Variants in SPIDR observed in about 807,000 individuals in gnomAD.
The protein encoded by SPIDR is scaffold protein involved in DNA repair, also known as DNA repair-scaffolding protein.
SPIDR carries 93 observed loss-of-function variants against 104.6 expected under a neutral mutation model. That is an observed-to-expected ratio of 0.89 (90% CI 0.75 to 1.06). The LOEUF (loss-of-function observed/expected upper bound fraction) is 1.06, where lower values mean the gene tolerates loss of function less well. Among genes scored for constraint, SPIDR ranks in the 50% least tolerant of loss-of-function variants. The pLI, the probability that SPIDR is intolerant of heterozygous loss-of-function variation, is 0.00. For synonymous variants in SPIDR, 431 were observed against 416.9 expected, an observed-to-expected ratio of 1.03 and a Z score of -0.41; for missense variants, 1,154 against 1,111.2, an observed-to-expected ratio of 1.04 and a Z score of -0.55.
At chr8:47,547,159 C>T (rs1036450141) in intron 8 of SPIDR, 11 of 607,868 alleles carry the variant, frequency 1.8e-5, no homozygotes, top group Admixed American at 6.1e-5. Context: ...GCAGATGATG[C>T]GAGCATCATG....
chr8:47,312,146 TC>T (rs1554585737), intron 5 of SPIDR, among the ~76,000 whole-genome samples: 2 of 152,206 alleles, frequency 1.3e-5, no homozygotes, highest in African/African-American at 4.8e-5. Flanking sequence ...TGGTTCCAAG[TC>T]TTTGCTATTG....
intron 8 of SPIDR, among the ~76,000 whole-genome samples, chr8:47,483,697 T>A (rs938143184): frequency 7.2e-5 from 11 of 152,196 alleles, no homozygotes; most frequent in Non-Finnish European, 1.5e-4. Flanking sequence ...AGGGAGAAGA[T>A]CCCTTTATAT....
rs71225684 is a variant in SPIDR at position 47,458,323 on chromosome 8, G to GTATTTTATTTTATTT, written c.1097+17836_1097+17850dup. 6.9e-3 allele frequency among the ~76,000 whole-genome samples: 773 copies of GTATTTTATTTTATTT among 112,258 alleles called. 11 individuals are homozygous for GTATTTTATTTTATTT. The highest frequency in any genetic ancestry group is 0.015 in the East Asian group (57 of 3,918). 73.6% of individuals were successfully genotyped at this position (112,258 alleles called of 152,430 possible). On this transcript the variant is annotated intron_variant, in intron 8 of 19. Transcript: ENST00000297423. The stretch of plus-strand genomic sequence containing the variant: ...CCTCTTTGGTTAAGCATATTCCTAA[G>GTATTTTATTTTATTT]TATTTTATTTTATTTTATTTTATTT...
intron 8 of SPIDR, among the ~76,000 whole-genome samples, chr8:47,449,898 A>G (rs1248971389): frequency 6.6e-6 from 1 of 152,184 alleles, no homozygotes; most frequent in Non-Finnish European, 1.5e-5. Context: ...AGCCCAGTGC[A>G]GTGAATTATG....
rs2154245950 is a variant in SPIDR, at chr8:47,299,560, C to T, written c.525+5530C>T. Among the ~76,000 whole-genome samples, 5 of 152,240 alleles carry T rather than the reference C, an allele frequency of 3.3e-5. No homozygotes were observed. The East Asian group carries it at 9.6e-4, about 29-fold the overall frequency. On this transcript the variant is annotated intron_variant, in intron 5 of 19. Coordinates refer to ENST00000297423, the MANE Select transcript of SPIDR (RefSeq NM_001080394.4). ...CAAAGGGAATGCTTCCAGTTTTTGC[C>T]CATTCAGTATGATATTGGCTGTGGG...
At position 47,703,659 on chromosome 8, in the gene SPIDR, C is replaced by A. The variant is rs114373827; in HGVS notation, c.1977+1644C>A. ...TAATTTTTACTTGTCACAAAATATT[C>A]TTACGGTTTTTTAACCATTTAAAAA... On this transcript the variant is annotated intron_variant, in intron 14 of 19. Transcript: ENST00000297423. 9.9e-3 allele frequency among the ~76,000 whole-genome samples: 1,509 copies of A among 152,286 alleles called. 25 individuals are homozygous for A. The highest frequency in any genetic ancestry group is 0.034 in the African/African-American group (1,394 of 41,550).
intron 5 of SPIDR, among the ~76,000 whole-genome samples, chr8:47,337,967 T>C (rs2050078107): frequency 1.3e-5 from 2 of 152,224 alleles, no homozygotes; most frequent in Admixed American, 6.5e-5. Context: ...AGTTTCACCT[T>C]ACCTTAATTA....
At chr8:47,595,738 T>G in intron 8 of SPIDR, 73 bp from the exon 9 acceptor site, 1 of 1,442,462 alleles carries the variant, frequency 6.9e-7, no homozygotes. Flanking sequence ...GCTCTTTGCA[T>G]TCCTGATTTA....
chr8:47,670,077 A>G (rs2075593575), intron 10 of SPIDR, among the ~76,000 whole-genome samples: 1 of 152,262 alleles, frequency 6.6e-6, no homozygotes, highest in East Asian at 1.9e-4. Context: ...CCAGGCCTTA[A>G]TGTAATCACA....
intron 8 of SPIDR, among the ~76,000 whole-genome samples, chr8:47,487,407 G>A (rs1554732347): frequency 1.3e-5 from 2 of 152,074 alleles, no homozygotes; most frequent in East Asian, 1.9e-4. Context: ...ATAATAATGG[G>A]AGACTTTAAC....
At chr8:47,304,249 G>C (rs2042746523) in intron 5 of SPIDR, among the ~76,000 whole-genome samples, 1 of 152,172 alleles carries the variant, frequency 6.6e-6, no homozygotes, top group Non-Finnish European at 1.5e-5. Context: ...TCCATTGTTG[G>C]AAATGGGGCC....
chr8:47,457,892 T>TC (rs1321509769), intron 8 of SPIDR, among the ~76,000 whole-genome samples: 1 of 152,170 alleles, frequency 6.6e-6, no homozygotes, highest in African/African-American at 2.4e-5. Flanking sequence ...TTGTCAAAGA[T>TC]CAGTGGCTGT....
intron 6 of SPIDR, among the ~76,000 whole-genome samples, chr8:47,400,741 A>G (rs1470478814): frequency 6.6e-6 from 1 of 151,572 alleles, no homozygotes; most frequent in Non-Finnish European, 1.5e-5. Context: ...ACCAATGCAA[A>G]ATTGTTAGAT....
chr8:47,452,642 G>A (rs552765721), intron 8 of SPIDR, among the ~76,000 whole-genome samples: 1 of 152,118 alleles, frequency 6.6e-6, no homozygotes, highest in Non-Finnish European at 1.5e-5. Context: ...TGCAGAAAAG[G>A]CCTTTGACAA....
Position 47,721,962 on chromosome 8 carries a change from A to T in SPIDR, c.2342-5238A>T, listed in dbSNP as rs182410764. ...TAGGATAGTGTTGAGTCTGTAGATC[A>T]GGTGGGGAAAAAATGACATGTTGTA... On this transcript the variant is annotated intron_variant, in intron 16 of 19. Coordinates refer to ENST00000297423, the MANE Select transcript of SPIDR (RefSeq NM_001080394.4). 1.2e-4 allele frequency among the ~76,000 whole-genome samples: 18 copies of T among 152,316 alleles called. No individual in the cohort carries two copies. In the East Asian group the frequency reaches 3.3e-3, roughly 28 times the overall value.
intron 5 of SPIDR, among the ~76,000 whole-genome samples, chr8:47,308,130 C>T (rs1429891672): frequency 4.0e-5 from 6 of 151,168 alleles, no homozygotes; most frequent in Non-Finnish European, 8.9e-5. Context: ...GGTGTGATCT[C>T]GGCTCACTGC....
chr8:47,636,391 C>T (rs1380050673), intron 10 of SPIDR, among the ~76,000 whole-genome samples: 1 of 152,196 alleles, frequency 6.6e-6, no homozygotes, highest in Non-Finnish European at 1.5e-5. Context: ...CAGTAAGCCT[C>T]CAGTGGCCTC....
chr8:47,448,557 T>C (rs1554703644), intron 8 of SPIDR, among the ~76,000 whole-genome samples: 1 of 152,012 alleles, frequency 6.6e-6, no homozygotes, highest in African/African-American at 2.4e-5. Flanking sequence ...ACTGTAGGCG[T>C]AGTAATAGAT....
intron 8 of SPIDR, among the ~76,000 whole-genome samples, chr8:47,593,934 A>T (rs1244258476): frequency 6.6e-6 from 1 of 152,076 alleles, no homozygotes; most frequent in Admixed American, 6.5e-5. Flanking sequence ...TCTCTGCCAC[A>T]CTTCCTCTGG....
Sources: gnomAD v4.1 joint callset for allele counts (sites outside exome capture counted in the v4.1 genomes callset) on GRCh38, gnomAD v4.1.1 for gene constraint, MANE v1.5 for transcripts, NCBI Gene and HGNC (gene_info 2026-07-23, HGNC 2026-07-21) for gene names.